The following WDR72 variants were observed in gnomAD, a reference collection of about 807,000 sequenced individuals.
WDR72 encodes the protein WD repeat domain 72, also known as WD repeat-containing protein 72.
A neutral mutation model predicts 124.2 loss-of-function variants in WDR72; 120 were observed. The observed-to-expected ratio is 0.97, with a 90% CI of 0.83 to 1.12. The LOEUF is 1.12. Among genes scored for constraint, WDR72 ranks in the 50% most tolerant of loss-of-function variants. WDR72 has a pLI of 0.00. For synonymous variants in WDR72, 452 were observed against 441.7 expected, an observed-to-expected ratio of 1.02 and a Z score of -0.29; for missense variants, 1,387 against 1,278.8, an observed-to-expected ratio of 1.08 and a Z score of -1.29.
chr15:53,736,778 G>A (rs764357896), intron 1 of WDR72, among the ~76,000 whole-genome samples: 51 of 152,262 alleles, frequency 3.3e-4, no homozygotes, highest in South Asian at 2.1e-3. Flanking sequence ...AAAATGATCA[G>A]GAGGGCATCC....
At chr15:53,717,209 G>C (rs2017739083) in intron 3 of WDR72, among the ~76,000 whole-genome samples, 1 of 151,752 alleles carries the variant, frequency 6.6e-6, no homozygotes, top group Non-Finnish European at 1.5e-5. Flanking sequence ...TTAATATTTA[G>C]AAAAATATTA....
At chr15:53,523,875 T>C (rs898790531) in intron 18 of WDR72, among the ~76,000 whole-genome samples, 1 of 152,104 alleles carries the variant, frequency 6.6e-6, no homozygotes, top group East Asian at 1.9e-4. Flanking sequence ...CTGAAAGTTA[T>C]AATAAGAAGG....
At chr15:53,655,944 G>A (rs1175884351) in intron 14 of WDR72, among the ~76,000 whole-genome samples, 4 of 152,200 alleles carry the variant, frequency 2.6e-5, no homozygotes, top group Non-Finnish European at 5.9e-5. Flanking sequence ...ACCCACCTCG[G>A]CCTCCCAAAG....
chr15:53,620,896 T>TA (rs1197525469), intron 14 of WDR72, among the ~76,000 whole-genome samples: 2 of 151,990 alleles, frequency 1.3e-5, no homozygotes, highest in African/African-American at 4.8e-5. Context: ...TTACAATCTA[T>TA]ATGTCTAACA....
Position 53,597,191 on chromosome 15 carries a change from T to C in WDR72, c.3036A>G (p.Gln1012=). Residue 1012 remains glutamine (Q), a synonymous_variant, in exon 18 of 20, where the codon CAA becomes CAG. Coordinates refer to ENST00000360509, the MANE Select transcript of WDR72 (RefSeq NM_182758.4). ...KSLGKIPVNS[Q]PVSMAENGNC... is the part of the protein sequence containing the mutation. ...TACCATTCTCTGCCATGGACACTGG[T>C]TGACTATTGACGGGTATCTTTCCCA... The C allele has an allele frequency of 3.7e-6, 6 of 1,613,934 alleles. No individual in the cohort carries two copies. The highest frequency in any genetic ancestry group is 5.1e-6 in the Non-Finnish European group (6 of 1,179,890).
At chr15:53,699,718 T>C (rs752968934) in intron 13 of WDR72, 32 bp downstream of exon 13, 10 of 1,606,350 alleles carry the variant, frequency 6.2e-6, no homozygotes, top group Admixed American at 1.7e-5. Context: ...CATAAATATA[T>C]AAAGAATGAA....
chr15:53,734,389 T>C (rs2018290105), intron 1 of WDR72, among the ~76,000 whole-genome samples: 1 of 152,196 alleles, frequency 6.6e-6, no homozygotes, highest in Non-Finnish European at 1.5e-5. Flanking sequence ...CAATTCTGAA[T>C]ACCAGGATTA....
chr15:53,714,181 C>CTG (rs147902451), intron 6 of WDR72, among the ~76,000 whole-genome samples: 19,767 of 150,312 alleles, frequency 0.13, 1,394 homozygotes, highest in East Asian at 0.19. Context: ...TGTAATCTTT[C>CTG]TGTGTGTGTG....
At chr15:53,754,634 G>A (rs535475280) in intron 1 of WDR72, among the ~76,000 whole-genome samples, 4 of 152,148 alleles carry the variant, frequency 2.6e-5, no homozygotes, top group South Asian at 2.1e-4. Context: ...GCCTGGAATC[G>A]ATCCAACCCA....
chr15:53,549,229 G>T (rs1355194112), intron 18 of WDR72, among the ~76,000 whole-genome samples: 1 of 152,172 alleles, frequency 6.6e-6, no homozygotes, highest in Non-Finnish European at 1.5e-5. Flanking sequence ...GGTCTGACAG[G>T]CAAGAGACAT....
At chr15:53,611,995 A>G (rs940967146) in intron 16 of WDR72, among the ~76,000 whole-genome samples, 1 of 152,088 alleles carries the variant, frequency 6.6e-6, no homozygotes, top group African/African-American at 2.4e-5. Context: ...CAACATGTGC[A>G]TTGTATCTGG....
At chr15:53,654,365 GAAGT>G (rs748867304) in intron 14 of WDR72, among the ~76,000 whole-genome samples, 144 of 152,306 alleles carry the variant, frequency 9.5e-4, no homozygotes, top group Non-Finnish European at 1.6e-3. Flanking sequence ...TACAGATAGA[GAAGT>G]AAGGGCCCAT....
At chr15:53,639,479 T>TA (rs1477471444) in intron 14 of WDR72, among the ~76,000 whole-genome samples, 22 of 147,386 alleles carry the variant, frequency 1.5e-4, no homozygotes, top group South Asian at 6.3e-4. Context: ...AAAATAAAAT[T>TA]TTATATAATT....
intron 14 of WDR72, among the ~76,000 whole-genome samples, chr15:53,632,466 C>G (rs1295109708): frequency 1.3e-5 from 2 of 152,198 alleles, no homozygotes; most frequent in East Asian, 1.9e-4. Flanking sequence ...TCTACTAGAG[C>G]ACTGCAGAGG....
At chr15:53,682,935 C>T (rs1401375539) in intron 13 of WDR72, among the ~76,000 whole-genome samples, 1 of 152,140 alleles carries the variant, frequency 6.6e-6, no homozygotes, top group African/African-American at 2.4e-5. Flanking sequence ...GCTTAATTGA[C>T]TCACATTTCT....
intron 18 of WDR72, among the ~76,000 whole-genome samples, chr15:53,569,746 T>A (rs1413688461): frequency 6.6e-6 from 1 of 152,054 alleles, no homozygotes; most frequent in Non-Finnish European, 1.5e-5. Context: ...AGAGTAATGA[T>A]TTTCTTTATC....
intron 14 of WDR72, among the ~76,000 whole-genome samples, chr15:53,657,288 A>C (rs2015462138): frequency 6.7e-6 from 1 of 149,546 alleles, no homozygotes; most frequent in Non-Finnish European, 1.5e-5. Flanking sequence ...AAAAAAAAAA[A>C]AGAAAGAAGG....
intron 14 of WDR72, among the ~76,000 whole-genome samples, chr15:53,647,883 AGCCAC>A (rs2015097795): frequency 6.6e-6 from 1 of 152,162 alleles, no homozygotes; most frequent in South Asian, 2.1e-4. Context: ...AATGTCATAT[AGCCAC>A]TCATTTAATC....
chr15:53,584,332 G>A (rs1378048240), intron 18 of WDR72, among the ~76,000 whole-genome samples: 1 of 151,890 alleles, frequency 6.6e-6, no homozygotes, highest in Non-Finnish European at 1.5e-5. Context: ...TGTTACTAAT[G>A]AGATTTGAAA....
Sources: gnomAD v4.1 joint callset for allele counts (sites outside exome capture counted in the v4.1 genomes callset) on GRCh38, gnomAD v4.1.1 for gene constraint, MANE v1.5 for transcripts, NCBI Gene and HGNC (gene_info 2026-07-23, HGNC 2026-07-21) for gene names.